The following USP47 variants were observed in gnomAD, a reference collection of about 807,000 sequenced individuals.
USP47 encodes the protein ubiquitin specific peptidase 47.
Under a neutral mutation model 165.1 loss-of-function variants are expected in USP47, and 35 were observed. The ratio of observed to expected loss-of-function variants is 0.21; its 90% CI spans 0.16 to 0.28. The LOEUF (loss-of-function observed/expected upper bound fraction) is 0.28, where lower values mean the gene tolerates loss of function less well. USP47 is among the 10% of genes least tolerant of loss of function. The pLI, the probability that USP47 is intolerant of heterozygous loss-of-function variation, is 1.00. For synonymous variants in USP47, 531 were observed against 544.5 expected (o/e 0.98, Z 0.35); for missense variants, 1,277 against 1,607.4 (o/e 0.79, Z 3.52).
At position 11,938,347 on chromosome 11, in the gene USP47, C is replaced by T. The variant is rs769711308; in HGVS notation, c.2168C>T (p.Thr723Ile). 4 of 1,611,714 alleles carry T rather than the reference C, an allele frequency of 2.5e-6. No homozygotes were observed. The highest frequency in any genetic ancestry group is 4.5e-5 in the East Asian group (2 of 44,788). ...CGTGCTTACTTAAATCAGACAGTTA[C>T]AGAATTCAAACAACTGATTTCAAAG... ...TVRAYLNQTV[T>I]EFKQLISKAI... The change falls in exon 18 of 28, where the codon ACA becomes ATA. Residue 723 changes from threonine to isoleucine, a missense_variant. This residue lies in a region of USP47 where 909 missense variants were observed against 1,068.1 expected (regional missense o/e 0.85). Transcript: ENST00000527733.
chr11:11,905,824 C>CTT (rs11290018), intron 8 of USP47, among the ~76,000 whole-genome samples: 1 of 147,694 alleles, frequency 6.8e-6, no homozygotes, highest in East Asian at 2.0e-4. Flanking sequence ...TCACTTTTAT[C>CTT]TTTTTTTTTT....
chr11:11,920,543 G>T, intron 10 of USP47, 49 bp downstream of exon 10: 2 of 1,528,706 alleles, frequency 1.3e-6, no homozygotes, highest in South Asian at 1.3e-5. Context: ...ACATTAGTCA[G>T]TCATGGTTTT....
At chr11:11,952,570 T>G in intron 24 of USP47, 171 bp from the exon 25 acceptor site, 1 of 529,552 alleles carries the variant, frequency 1.9e-6, no homozygotes, top group Non-Finnish European at 3.0e-6. Context: ...GAGAAGAGAG[T>G]AAATATTTCA....
In USP47 at chr11:11,861,255, C is replaced by T. The variant is rs189928082; in HGVS notation, c.40-18922C>T. Among the ~76,000 whole-genome samples, 4 of 152,194 alleles carry T rather than the reference C, an allele frequency of 2.6e-5. No homozygotes were observed. In the East Asian group the frequency reaches 7.7e-4, roughly 29 times the overall value. ...AATTACAGGCATGTGCCACCATGCC[C>T]AGCTAATTTTTGTATTTTTTAGTAG... On this transcript the variant is annotated intron_variant, in intron 1 of 27. Transcript: ENST00000527733.
At chr11:11,891,903 T>C (rs1838562590) in intron 3 of USP47, 65 bp from the exon 4 acceptor site, 2 of 1,545,794 alleles carry the variant, frequency 1.3e-6, no homozygotes, top group Non-Finnish European at 1.7e-6. Flanking sequence ...CTACAGGAAA[T>C]GGTGAATGCT....
intron 3 of USP47, among the ~76,000 whole-genome samples, chr11:11,889,716 A>C (rs985176376): frequency 6.6e-6 from 1 of 152,216 alleles, no homozygotes; most frequent in Non-Finnish European, 1.5e-5. Flanking sequence ...TTTAAAATTC[A>C]TATGGAACCA....
At chr11:11,886,982 A>T (rs916270186) in intron 3 of USP47, among the ~76,000 whole-genome samples, 2 of 152,280 alleles carry the variant, frequency 1.3e-5, no homozygotes, top group East Asian at 1.9e-4. Context: ...TGGCCAAACT[A>T]AGTTTCATGA....
chr11:11,892,617 C>T (rs1199810679), intron 4 of USP47, among the ~76,000 whole-genome samples: 2 of 150,168 alleles, frequency 1.3e-5, no homozygotes, highest in Non-Finnish European at 3.0e-5. Flanking sequence ...TGGAGACCAG[C>T]CTGGGCAACC....
At chr11:11,930,186 T>A (rs1353668100) in intron 13 of USP47, 66 bp downstream of exon 13, 11 of 1,429,012 alleles carry the variant, frequency 7.7e-6, no homozygotes, top group African/African-American at 2.8e-5. Context: ...AGTGTTTTTT[T>A]ATCATCAAAG....
At chr11:11,938,426 G>T in intron 18 of USP47, 54 bp downstream of exon 18, 2 of 1,309,710 alleles carry the variant, frequency 1.5e-6, no homozygotes, top group Non-Finnish European at 2.2e-6. Flanking sequence ...CTATGTACAA[G>T]ACACACTATG....
chr11:11,929,297 C>T, intron 11 of USP47, 137 bp from the exon 12 acceptor site: 3 of 1,227,976 alleles, frequency 2.4e-6, no homozygotes, highest in East Asian at 2.6e-5. Flanking sequence ...TTTGTTTTAC[C>T]TTAGGGGAAA....
chr11:11,870,709 C>T lies in USP47; in HGVS notation c.40-9468C>T, dbSNP rs1849981418. Among the ~76,000 whole-genome samples the T allele has an allele frequency of 2.0e-5, 3 of 152,106 alleles. No individual in the cohort carries two copies. The South Asian group carries it at 6.2e-4, about 32-fold the overall frequency. ...AAAATACTGTGCCACTTCCTTCTGG[C>T]CTCCGTGGTTTCTGGTAAGAAAATT... On this transcript the variant is annotated intron_variant, in intron 1 of 27. Transcript: ENST00000527733.
chr11:11,859,712 A>G (rs560610006), intron 1 of USP47, among the ~76,000 whole-genome samples: 1 of 152,328 alleles, frequency 6.6e-6, no homozygotes, highest in South Asian at 2.1e-4. Context: ...ATGTATTTTA[A>G]GGGTAGTAAC....
At chr11:11,844,909 A>G (rs1457316481) in intron 1 of USP47, among the ~76,000 whole-genome samples, 2 of 152,180 alleles carry the variant, frequency 1.3e-5, no homozygotes, top group African/African-American at 2.4e-5. Context: ...AAGACAGCTT[A>G]GTGTAGTACA....
At chr11:11,924,592 C>CT (rs1007251783) in intron 11 of USP47, among the ~76,000 whole-genome samples, 11 of 152,074 alleles carry the variant, frequency 7.2e-5, no homozygotes, top group Admixed American at 2.6e-4. Context: ...CTGGTGCTTT[C>CT]TTTTTTAGAA....
At chr11:11,951,513 T>C (rs1417803264) in intron 24 of USP47, 1 of 152,190 alleles carries the variant, frequency 6.6e-6, no homozygotes, top group Non-Finnish European at 1.5e-5. Context: ...AGGAGGAAAG[T>C]TGGCTTTTAG....
intron 20 of USP47, among the ~76,000 whole-genome samples, chr11:11,944,907 G>GA (rs1278327344): frequency 2.6e-5 from 4 of 152,178 alleles, no homozygotes; most frequent in Non-Finnish European, 5.9e-5. Flanking sequence ...TCAACCGTAG[G>GA]AAAAATTTGA....
chr11:11,886,148 C>T (rs1851148588), intron 3 of USP47, among the ~76,000 whole-genome samples: 2 of 152,150 alleles, frequency 1.3e-5, no homozygotes, highest in Non-Finnish European at 2.9e-5. Context: ...GAGAAAGAAT[C>T]AACACAAAAA....
chr11:11,873,671 G>A (rs1026427920), intron 1 of USP47: 6 of 420,686 alleles, frequency 1.4e-5, no homozygotes, highest in African/African-American at 6.2e-5. Context: ...TCTAGATGAT[G>A]TACTAATACT....
Sources: allele counts gnomAD v4.1 joint callset (sites outside exome capture counted in the v4.1 genomes callset), GRCh38; gene constraint gnomAD v4.1.1; regional missense constraint gnomAD v4.1.1; transcripts MANE v1.5; gene names NCBI Gene and HGNC (gene_info 2026-07-23, HGNC 2026-07-21).